The following RSU1 variants were observed in gnomAD, a reference collection of about 807,000 sequenced individuals.
RSU1 encodes the protein rsu-1.
Under a neutral mutation model 31.1 loss-of-function variants are expected in RSU1, and 26 were observed. The ratio of observed to expected loss-of-function variants is 0.84; its 90% CI spans 0.61 to 1.16. The LOEUF (loss-of-function observed/expected upper bound fraction) is 1.16, where lower values mean the gene tolerates loss of function less well. Among genes scored for constraint, RSU1 ranks in the 50% most tolerant of loss-of-function variants. RSU1 has a pLI of 0.00. For missense variants in RSU1, 320 were observed against 339.1 expected, an observed-to-expected ratio of 0.94 and a Z score of 0.44; for synonymous variants, 164 against 136.3, an observed-to-expected ratio of 1.20 and a Z score of -1.41.
intron 7 of RSU1, among the ~76,000 whole-genome samples, chr10:16,698,763 C>G (rs976332736): frequency 6.6e-6 from 1 of 152,184 alleles, no homozygotes; most frequent in African/African-American, 2.4e-5. Context: ...GAGTCACACG[C>G]TGATGTCTAC....
intron 8 of RSU1, among the ~76,000 whole-genome samples, chr10:16,596,928 G>A (rs1833624292): frequency 6.6e-6 from 1 of 152,078 alleles, no homozygotes; most frequent in Admixed American, 6.6e-5. Flanking sequence ...TCGCCACGTT[G>A]GACATGCTGG....
In RSU1 at chr10:16,703,388, T is replaced by C. The variant is rs543401951; in HGVS notation, c.599-8233A>G. Among the ~76,000 whole-genome samples the C allele has an allele frequency of 2.0e-5, 3 of 152,316 alleles. No homozygotes were observed. The South Asian group carries it at 6.2e-4, about 32-fold the overall frequency. On this transcript the variant is annotated intron_variant, in intron 7 of 8. Transcript: ENST00000345264. ...CTGAAAAGCAATCTGGCGATTTCTA[T>C]TAAGAGTTGTAAAAATGTTCATACT...
chr10:16,613,077 A>G (rs185865959), intron 8 of RSU1, among the ~76,000 whole-genome samples: 135 of 152,136 alleles, frequency 8.9e-4, no homozygotes, highest in African/African-American at 2.9e-3. Flanking sequence ...TGTTTCCAAA[A>G]TCATCATCGC....
chr10:16,783,141 G>A (rs1837692203), intron 2 of RSU1, among the ~76,000 whole-genome samples: 1 of 151,890 alleles, frequency 6.6e-6, no homozygotes, highest in Non-Finnish European at 1.5e-5. Flanking sequence ...AAACTCCTGG[G>A]CTCAAGTAAT....
At chr10:16,728,759 T>A (rs1465703594) in intron 7 of RSU1, among the ~76,000 whole-genome samples, 2 of 151,750 alleles carry the variant, frequency 1.3e-5, no homozygotes, top group Non-Finnish European at 1.5e-5. Flanking sequence ...AGAATCAGAG[T>A]GAGAGGAGAA....
At chr10:16,686,345 G>A (rs1835440033) in intron 8 of RSU1, among the ~76,000 whole-genome samples, 1 of 152,098 alleles carries the variant, frequency 6.6e-6, no homozygotes, top group African/African-American at 2.4e-5. Flanking sequence ...AAAGCATCAA[G>A]CATTGAACTT....
intron 7 of RSU1, among the ~76,000 whole-genome samples, chr10:16,748,687 C>A (rs1836910422): frequency 1.3e-5 from 2 of 152,200 alleles, no homozygotes; most frequent in South Asian, 4.2e-4. Context: ...TCACTCTGTT[C>A]CAGCCACACT....
At chr10:16,792,356 C>T (rs990214806) in intron 2 of RSU1, among the ~76,000 whole-genome samples, 3 of 152,178 alleles carry the variant, frequency 2.0e-5, no homozygotes, top group Admixed American at 6.5e-5. Flanking sequence ...CCTCGGCCTC[C>T]CGAGTAGCTG....
chr10:16,806,955 T>C lies in RSU1; in HGVS notation c.109+10018A>G, dbSNP rs780797070. 1.1e-4 allele frequency among the ~76,000 whole-genome samples: 16 copies of C among 152,200 alleles called. No homozygotes were observed. The East Asian group carries it at 1.3e-3, about 13-fold the overall frequency. ...TGTTAGTAGAGAGGGGGTTTCACCA[T>C]GTTGGCCAGGGTGGTCTCAAACTCC... is the stretch of plus-strand genomic sequence containing the variant. On this transcript the variant is annotated intron_variant, in intron 2 of 8. Transcript: ENST00000345264.
intron 7 of RSU1, among the ~76,000 whole-genome samples, chr10:16,724,223 A>G (rs1328139986): frequency 2.0e-5 from 3 of 152,208 alleles, no homozygotes; most frequent in Non-Finnish European, 4.4e-5. Context: ...GATTACAGGC[A>G]TGAGCCACCG....
intron 8 of RSU1, among the ~76,000 whole-genome samples, chr10:16,635,524 C>T (rs1346643156): frequency 6.6e-6 from 1 of 152,234 alleles, no homozygotes. Context: ...TTTCCCCTGT[C>T]GCTGGGACTC....
intron 8 of RSU1, among the ~76,000 whole-genome samples, chr10:16,655,496 C>G (rs908852578): frequency 9.2e-5 from 14 of 151,994 alleles, no homozygotes; most frequent in Non-Finnish European, 2.9e-5. Flanking sequence ...AAGAGCTTAG[C>G]AGAGTATGTG....
intron 8 of RSU1, among the ~76,000 whole-genome samples, chr10:16,643,093 G>C (rs1167472581): frequency 6.6e-6 from 1 of 152,198 alleles, no homozygotes; most frequent in East Asian, 1.9e-4. Flanking sequence ...ATATCACCTT[G>C]AAGGACAGTT....
At chr10:16,744,957 T>A (rs74823087) in intron 7 of RSU1, among the ~76,000 whole-genome samples, 8,975 of 152,194 alleles carry the variant, frequency 0.059, 397 homozygotes, top group Non-Finnish European at 0.092. Context: ...TTCCCAGCCT[T>A]TCTTTTATCC....
Position 16,593,106 on chromosome 10 carries a change from T to G in RSU1, c.*288A>C. On this transcript the variant is annotated 3_prime_UTR_variant, in exon 9 of 9. Coordinates refer to ENST00000345264, the MANE Select transcript of RSU1 (RefSeq NM_012425.4). ...ATAATAAGCAACCTTGTGATATCTA[T>G]TCAAGAAAAGCCAGAGCCCACTATG... The G allele has an allele frequency of 3.3e-6, 1 of 303,600 alleles. No individual in the cohort carries two copies. The highest frequency in any genetic ancestry group is 6.0e-6 in the Non-Finnish European group (1 of 167,278). 18.8% of individuals were successfully genotyped at this position (303,600 alleles called of 1,614,324 possible).
At chr10:16,712,612 C>G (rs1467140045) in intron 7 of RSU1, among the ~76,000 whole-genome samples, 1 of 152,028 alleles carries the variant, frequency 6.6e-6, no homozygotes, top group Non-Finnish European at 1.5e-5. Flanking sequence ...AGACTTAACC[C>G]CATACACAAT....
At chr10:16,718,818 T>C (rs2131587554) in intron 7 of RSU1, among the ~76,000 whole-genome samples, 1 of 151,842 alleles carries the variant, frequency 6.6e-6, no homozygotes, top group East Asian at 1.9e-4. Flanking sequence ...CCGTCTCTAC[T>C]AAAAATACAA....
intron 4 of RSU1, among the ~76,000 whole-genome samples, chr10:16,756,873 G>C (rs187478862): frequency 1.4e-5 from 2 of 148,112 alleles, no homozygotes; most frequent in African/African-American, 5.0e-5. Context: ...ATGTGTATCT[G>C]GGTGTTTCGT....
chr10:16,659,298 A>ATT (rs1834844104), intron 8 of RSU1, among the ~76,000 whole-genome samples: 2 of 110,128 alleles, frequency 1.8e-5, no homozygotes, highest in Admixed American at 8.4e-5. Flanking sequence ...CTGAGGTTAT[A>ATT]TTCTTTTTTT....
Sources: gnomAD v4.1 joint callset for allele counts (sites outside exome capture counted in the v4.1 genomes callset) on GRCh38, gnomAD v4.1.1 for gene constraint, MANE v1.5 for transcripts, NCBI Gene and HGNC (gene_info 2026-07-23, HGNC 2026-07-21) for gene names.